DYNC1LI1: variants seen among roughly 807,000 people sequenced by gnomAD.
DYNC1LI1 encodes the protein dynein cytoplasmic 1 light intermediate chain 1.
In DYNC1LI1, 19 loss-of-function variants were observed where a neutral mutation model predicts 63.8. That is an observed-to-expected ratio of 0.30 (90% confidence interval 0.21 to 0.44). The LOEUF is 0.44. Ranked by LOEUF, DYNC1LI1 falls within the 20% of genes least tolerant of loss-of-function variation. The pLI, the probability that DYNC1LI1 is intolerant of heterozygous loss-of-function variation, is 1.00. For synonymous variants in DYNC1LI1, 225 were observed against 232.3 expected, an observed-to-expected ratio of 0.97 and a Z score of 0.28; for missense variants, 565 against 630.2, an observed-to-expected ratio of 0.90 and a Z score of 1.11.
chr3:32,532,283 T>C (rs1031786572), intron 8 of DYNC1LI1: 2 of 151,846 alleles, frequency 1.3e-5, no homozygotes, highest in African/African-American at 2.4e-5. Flanking sequence ...CTGGCCAACA[T>C]GGTGAAACCC....
chr3:32,562,723 A>C (rs867388049), intron 2 of DYNC1LI1, among the ~76,000 whole-genome samples: 2 of 152,166 alleles, frequency 1.3e-5, no homozygotes, highest in Non-Finnish European at 2.9e-5. Context: ...TTTTGAGAGG[A>C]AAGTGTTTTA....
At chr3:32,533,204 T>C (rs1697725399) in intron 7 of DYNC1LI1, 107 bp from the exon 8 acceptor site, 1 of 1,393,176 alleles carries the variant, frequency 7.2e-7, no homozygotes, top group African/African-American at 1.5e-5. Context: ...ATTTGAACAA[T>C]TATGGAAAAC....
chr3:32,553,465 A>T (rs111666899), intron 2 of DYNC1LI1, among the ~76,000 whole-genome samples: 2,064 of 152,356 alleles, frequency 0.014, 23 homozygotes, highest in Non-Finnish European at 0.022. Context: ...ACCTACTTTG[A>T]GAGTATTTTA....
intron 2 of DYNC1LI1, among the ~76,000 whole-genome samples, chr3:32,562,573 C>A (rs769051577): frequency 1.3e-5 from 2 of 152,166 alleles, no homozygotes; most frequent in Non-Finnish European, 2.9e-5. Flanking sequence ...GCCATGCCCC[C>A]ACCTTGGCCT....
At chr3:32,551,223 T>C (rs1698033863) in intron 2 of DYNC1LI1, among the ~76,000 whole-genome samples, 1 of 152,164 alleles carries the variant, frequency 6.6e-6, no homozygotes, top group Non-Finnish European at 1.5e-5. Flanking sequence ...TGGTTTTACT[T>C]GGAAGTCAGA....
At chr3:32,569,496 C>G (rs943803557) in intron 2 of DYNC1LI1, among the ~76,000 whole-genome samples, 1 of 152,078 alleles carries the variant, frequency 6.6e-6, no homozygotes, top group African/African-American at 2.4e-5. Context: ...TGAGCCGACA[C>G]CAAATACCAA....
At chr3:32,553,819 T>C (rs1156780929) in intron 2 of DYNC1LI1, among the ~76,000 whole-genome samples, 1 of 152,230 alleles carries the variant, frequency 6.6e-6, no homozygotes, top group Non-Finnish European at 1.5e-5. Context: ...AGGTAGGAAA[T>C]GACAGAGCCA....
At chr3:32,543,685 C>T (rs1314065282) in intron 4 of DYNC1LI1, among the ~76,000 whole-genome samples, 3 of 150,914 alleles carry the variant, frequency 2.0e-5, no homozygotes, top group African/African-American at 7.3e-5. Flanking sequence ...GGATTACAGG[C>T]GTGAGCCACC....
chr3:32,530,513 T>C lies in DYNC1LI1; in HGVS notation c.1088A>G (p.His363Arg). 1.9e-6 allele frequency: 3 copies of C among 1,612,982 alleles called. No individual in the cohort carries two copies. The highest frequency in any genetic ancestry group is 2.5e-6 in the Non-Finnish European group (3 of 1,179,714). Residue 363 changes from histidine (H) to arginine (R), a missense_variant, in exon 9 of 13, where the codon CAT (histidine) becomes CGT (arginine). His to Arg is a conservative substitution (Grantham distance 29). Coordinates refer to ENST00000273130, the MANE Select transcript of DYNC1LI1 (RefSeq NM_016141.4). ...ITKPPVRKFV[H>R]EKEIMAEDDQ... ...ATCTTCTGCCATAATTTCCTTCTCA[T>C]GTACAAACTGAAATGAGCAATGCAC...
chr3:32,543,862 CA>C (rs1205803862), intron 4 of DYNC1LI1, among the ~76,000 whole-genome samples: 2 of 150,778 alleles, frequency 1.3e-5, no homozygotes, highest in African/African-American at 4.9e-5. Context: ...CTCAGGAGTT[CA>C]AGACCAGCCT....
chr3:32,526,397 A>T lies in DYNC1LI1; in HGVS notation c.*402T>A, dbSNP rs1045744753. 6.5e-6 allele frequency: 1 copy of T among 153,996 alleles called. No individual in the cohort carries two copies. Among genetic ancestry groups the T allele is most frequent in the Non-Finnish European group, 1.5e-5 (1 of 68,840 alleles). The allele number at this position is 153,996 out of a possible 1,614,324, so 9.5% of individuals were successfully genotyped here. On this transcript the variant is annotated 3_prime_UTR_variant, in exon 13 of 13. Coordinates refer to ENST00000273130, the MANE Select transcript of DYNC1LI1 (RefSeq NM_016141.4). The stretch of plus-strand genomic sequence containing the variant: ...ATTTTTAAAAATGATTTTAATAGTT[A>T]TAACTAAAATAAGCTTAGACTTCCA...
At chr3:32,536,058 T>C (rs1027114374) in intron 6 of DYNC1LI1, among the ~76,000 whole-genome samples, 1 of 152,112 alleles carries the variant, frequency 6.6e-6, no homozygotes, top group African/African-American at 2.4e-5. Context: ...AACTCAGCCA[T>C]TTGGTGACAT....
chr3:32,532,507 A>ATGT (rs1553617333), intron 8 of DYNC1LI1: 1 of 147,538 alleles, frequency 6.8e-6, no homozygotes, highest in African/African-American at 2.5e-5. Flanking sequence ...ATATATATAT[A>ATGT]AAATTGAAAG....
chr3:32,538,791 A>C (rs1171356487), intron 5 of DYNC1LI1, among the ~76,000 whole-genome samples: 2 of 152,132 alleles, frequency 1.3e-5, no homozygotes, highest in East Asian at 1.9e-4. Context: ...GACTAAGAGA[A>C]ATCTCCATTT....
In DYNC1LI1 at chr3:32,526,146, C is replaced by T. The variant is rs1001567336; in HGVS notation, c.*653G>A. Reference sequence around the variant, plus strand: ...ATAACCTCTGCATTTTTCTTTTACACATTTAGGCAGTGTGCTTTCTTTTCT... The same window carrying T: ...ATAACCTCTGCATTTTTCTTTTACATATTTAGGCAGTGTGCTTTCTTTTCT... On this transcript the variant is annotated 3_prime_UTR_variant, in exon 13 of 13. Transcript: ENST00000273130. The T allele has an allele frequency of 2.6e-5, 4 of 152,504 alleles. No homozygotes were observed. The highest frequency in any genetic ancestry group is 6.6e-5 in the Admixed American group (1 of 15,260). The allele number at this position is 152,504 out of a possible 1,614,324, so 9.4% of individuals were successfully genotyped here. A position where few individuals can be genotyped will look rare whatever the true frequency, so the allele number is the denominator to read the frequency against.
chr3:32,559,488 C>G (rs1461092161), intron 2 of DYNC1LI1, among the ~76,000 whole-genome samples: 1 of 152,124 alleles, frequency 6.6e-6, no homozygotes. Flanking sequence ...ATCTGCCCAC[C>G]CTGGCCTCCC....
intron 2 of DYNC1LI1, among the ~76,000 whole-genome samples, chr3:32,569,981 A>T (rs1380088000): frequency 2.0e-5 from 3 of 152,242 alleles, no homozygotes; most frequent in African/African-American, 7.2e-5. Flanking sequence ...CAGCTCTCGC[A>T]AAGAGCCTCC....
chr3:32,544,597 G>A (rs528106259), intron 4 of DYNC1LI1, among the ~76,000 whole-genome samples: 4 of 152,056 alleles, frequency 2.6e-5, no homozygotes, highest in East Asian at 1.9e-4. Context: ...GTGAAACCCC[G>A]TCTCTACTAA....
At chr3:32,550,392 T>C (rs758414107) in intron 2 of DYNC1LI1, among the ~76,000 whole-genome samples, 6 of 152,128 alleles carry the variant, frequency 3.9e-5, no homozygotes, top group East Asian at 3.9e-4. Flanking sequence ...GATTGCGCCA[T>C]TGCACTCCAG....
Sources: allele counts gnomAD v4.1 joint callset (sites outside exome capture counted in the v4.1 genomes callset), GRCh38; gene constraint gnomAD v4.1.1; transcripts MANE v1.5; gene names NCBI Gene and HGNC (gene_info 2026-07-23, HGNC 2026-07-21).